Variants in RTN1 observed in about 807,000 individuals in gnomAD.
RTN1 encodes the protein reticulon 1.
In RTN1, 25 loss-of-function variants were observed where a neutral mutation model predicts 65.5. The observed-to-expected ratio is 0.38, with a 90% CI of 0.28 to 0.53. The LOEUF (loss-of-function observed/expected upper bound fraction) is 0.53, where lower values mean the gene tolerates loss of function less well. RTN1 is among the 20% of genes least tolerant of loss of function. The pLI, the probability that RTN1 is intolerant of heterozygous loss-of-function variation, is 0.79. For synonymous variants in RTN1, 471 were observed against 447.6 expected, an observed-to-expected ratio of 1.05 and a Z score of -0.66; for missense variants, 983 against 1,025.4, an observed-to-expected ratio of 0.96 and a Z score of 0.57.
chr14:59,848,951 C>A (rs1416466330), intron 1 of RTN1, among the ~76,000 whole-genome samples: 5 of 92,102 alleles, frequency 5.4e-5, no homozygotes, highest in Non-Finnish European at 7.7e-5. Flanking sequence ...TAGTCCCCAC[C>A]CCCCCGGGAA....
chr14:59,748,216 T>TTTTTG (rs760938282), intron 1 of RTN1, among the ~76,000 whole-genome samples: 8 of 151,526 alleles, frequency 5.3e-5, no homozygotes, highest in Admixed American at 3.9e-4. Flanking sequence ...TGAGGTTTTT[T>TTTTTG]TTTTTTTTTT....
intron 3 of RTN1, among the ~76,000 whole-genome samples, chr14:59,713,174 G>A (rs1164534661): frequency 3.3e-5 from 5 of 152,102 alleles, no homozygotes. Flanking sequence ...GTAAGACCCA[G>A]ATCCAATTGG....
chr14:59,610,753 G>T (rs187271226), intron 3 of RTN1, among the ~76,000 whole-genome samples: 3 of 152,208 alleles, frequency 2.0e-5, no homozygotes, highest in African/African-American at 7.2e-5. Context: ...TTAGCCACAA[G>T]ATAAGAAATT....
At chr14:59,832,241 T>A (rs1887137375) in intron 1 of RTN1, among the ~76,000 whole-genome samples, 1 of 152,206 alleles carries the variant, frequency 6.6e-6, no homozygotes, top group South Asian at 2.1e-4. Flanking sequence ...ACCAACACTC[T>A]TTTCCATATT....
intron 1 of RTN1, among the ~76,000 whole-genome samples, chr14:59,863,601 T>C (rs1160577051): frequency 6.6e-6 from 1 of 152,132 alleles, no homozygotes; most frequent in Non-Finnish European, 1.5e-5. Flanking sequence ...ACCTCATCAC[T>C]GTCAACACTC....
intron 3 of RTN1, among the ~76,000 whole-genome samples, chr14:59,667,286 G>A (rs959866578): frequency 8.5e-5 from 13 of 152,142 alleles, no homozygotes; most frequent in African/African-American, 3.1e-4. Context: ...TCATCACTGG[G>A]ATGCAAGGCT....
intron 1 of RTN1, among the ~76,000 whole-genome samples, chr14:59,791,768 T>A (rs902079969): frequency 3.3e-5 from 5 of 152,234 alleles, no homozygotes; most frequent in Non-Finnish European, 7.3e-5. Context: ...GTACTGAGCA[T>A]AATTTGCTCT....
At chr14:59,758,289 T>C (rs1885680008) in intron 1 of RTN1, among the ~76,000 whole-genome samples, 1 of 152,114 alleles carries the variant, frequency 6.6e-6, no homozygotes, top group Non-Finnish European at 1.5e-5. Context: ...ATGGCTGACA[T>C]ATTCATCTCC....
chr14:59,865,429 G>C (rs932400747), intron 1 of RTN1, among the ~76,000 whole-genome samples: 1 of 152,140 alleles, frequency 6.6e-6, no homozygotes, highest in African/African-American at 2.4e-5. Flanking sequence ...TTTACCTTCT[G>C]TTTACTTATC....
chr14:59,623,172 G>A (rs1174130389), intron 3 of RTN1, among the ~76,000 whole-genome samples: 1 of 152,230 alleles, frequency 6.6e-6, no homozygotes, highest in Non-Finnish European at 1.5e-5. Flanking sequence ...ATTCCCGAAT[G>A]ACTCCTCCTC....
intron 1 of RTN1, among the ~76,000 whole-genome samples, chr14:59,798,355 C>A (rs1485618152): frequency 1.3e-5 from 2 of 152,116 alleles, no homozygotes; most frequent in Non-Finnish European, 2.9e-5. Context: ...ATATTAATTT[C>A]CTATTGCTAC....
At chr14:59,649,417 T>C (rs532898729) in intron 3 of RTN1, among the ~76,000 whole-genome samples, 2 of 152,290 alleles carry the variant, frequency 1.3e-5, no homozygotes, top group South Asian at 4.1e-4. Flanking sequence ...TGGGATCTAA[T>C]TAAACTGAAG....
intron 3 of RTN1, among the ~76,000 whole-genome samples, chr14:59,685,216 G>A (rs1045408253): frequency 5.9e-5 from 9 of 152,078 alleles, no homozygotes; most frequent in African/African-American, 1.7e-4. Flanking sequence ...ACATCATACC[G>A]AACGGGAAAA....
intron 1 of RTN1, among the ~76,000 whole-genome samples, chr14:59,855,138 T>C (rs1887581528): frequency 6.6e-6 from 1 of 152,222 alleles, no homozygotes; most frequent in South Asian, 2.1e-4. Flanking sequence ...TGTACCCTAT[T>C]AATATGAATA....
intron 1 of RTN1, among the ~76,000 whole-genome samples, chr14:59,792,359 T>TCA (rs34220909): frequency 0.35 from 50,002 of 144,654 alleles, 9,400 homozygotes; most frequent in Non-Finnish European, 0.43. Context: ...AGAAAAGACT[T>TCA]CACACACACA....
chr14:59,692,591 C>A (rs568694070), intron 3 of RTN1, among the ~76,000 whole-genome samples: 15 of 152,120 alleles, frequency 9.9e-5, no homozygotes, highest in Non-Finnish European at 2.2e-4. Flanking sequence ...CCAAAAAGAG[C>A]CTGAAGAGCC....
chr14:59,622,521 A>AGCCT (rs1566663846), intron 3 of RTN1, among the ~76,000 whole-genome samples: 2 of 151,676 alleles, frequency 1.3e-5, no homozygotes, highest in African/African-American at 4.8e-5. Context: ...CAGAGTAAGA[A>AGCCT]GGCTAGACAA....
chr14:59,778,142 GCTTCCTTGA>G (rs998557866), intron 1 of RTN1, among the ~76,000 whole-genome samples: 4 of 152,226 alleles, frequency 2.6e-5, no homozygotes, highest in African/African-American at 7.2e-5. Flanking sequence ...CTGAAGGAAG[GCTTCCTTGA>G]CTTCTTTGAC....
At chr14:59,680,525 A>G (rs1883724450) in intron 3 of RTN1, among the ~76,000 whole-genome samples, 1 of 152,222 alleles carries the variant, frequency 6.6e-6, no homozygotes, top group South Asian at 2.1e-4. Context: ...CAATTTCCCA[A>G]TGAACCCAAA....
Sources: allele counts gnomAD v4.1 joint callset (sites outside exome capture counted in the v4.1 genomes callset), GRCh38; gene constraint gnomAD v4.1.1; transcripts MANE v1.5; gene names NCBI Gene and HGNC (gene_info 2026-07-23, HGNC 2026-07-21).